FAM167A: variants seen among roughly 807,000 people sequenced by gnomAD.
FAM167A encodes protein FAM167A.
Under a neutral mutation model 14.9 loss-of-function variants are expected in FAM167A, and 23 were observed. The ratio of observed to expected loss-of-function variants is 1.55; its 90% CI spans 1.11 to 2.19. The LOEUF is 2.19. FAM167A is among the 30% of genes most tolerant of loss of function. The probability of loss-of-function intolerance (pLI) is 0.00; values close to 1 mark genes in which losing one functional copy is unlikely to be tolerated. For synonymous variants in FAM167A, 174 were observed against 117.7 expected, an observed-to-expected ratio of 1.48 and a Z score of -3.10; for missense variants, 401 against 281.5, an observed-to-expected ratio of 1.42 and a Z score of -3.04.
chr8:11,468,022 C>T (rs1025836895), upstream of FAM167A, among the ~76,000 whole-genome samples: 3 of 152,174 alleles, frequency 2.0e-5, no homozygotes, highest in African/African-American at 7.2e-5. Flanking sequence ...TGCCACTGTC[C>T]CTACCCAAGC....
chr8:11,461,720 G>T (rs780119409), intron 1 of FAM167A, among the ~76,000 whole-genome samples: 1 of 152,216 alleles, frequency 6.6e-6, no homozygotes, highest in East Asian at 1.9e-4. Context: ...GAATCCACAG[G>T]ATAATTGGCT....
upstream of FAM167A, among the ~76,000 whole-genome samples, chr8:11,469,398 G>C (rs1173268287): frequency 6.6e-6 from 1 of 152,204 alleles, no homozygotes. Flanking sequence ...TTTGTGTCAG[G>C]CACACTGAAA....
chr8:11,435,223 C>A (rs556356083), intron 2 of FAM167A: 2 of 428,902 alleles, frequency 4.7e-6, no homozygotes, highest in African/African-American at 4.0e-5. Context: ...CCTTCTCCAC[C>A]TGTCACCCTT....
intron 2 of FAM167A, among the ~76,000 whole-genome samples, chr8:11,437,522 C>A (rs530633238): frequency 5.2e-4 from 79 of 152,328 alleles, no homozygotes; most frequent in African/African-American, 1.8e-3. Context: ...ATGGTAGAAT[C>A]TGACTTGAAG....
At chr8:11,475,418 C>T (rs1797844745) in intron 1 of FAM167A, among the ~76,000 whole-genome samples, 1 of 152,144 alleles carries the variant, frequency 6.6e-6, no homozygotes, top group Admixed American at 6.5e-5. Context: ...ACCCCACCCC[C>T]AGCTGGGCCT....
At chr8:11,456,176 GT>G (rs1807280434) in intron 1 of FAM167A, among the ~76,000 whole-genome samples, 2 of 130,048 alleles carry the variant, frequency 1.5e-5, no homozygotes, top group South Asian at 2.7e-4. Flanking sequence ...GCCTTGCTGT[GT>G]GTGTGTGTGA....
At position 11,444,223 on chromosome 8, in the gene FAM167A, C is replaced by A; in HGVS notation, c.189G>T (p.Pro63=). ...CCAAGCTCGCCTGTGGCTCCGCAGC[C>A]GGCCTCGGGAAGGGCCAGGTATGCT... ...LEEHTWPFPR[P]AAEPQASLEE... Residue 63 remains proline (P), a synonymous_variant, in exon 2 of 3, where the codon CCG becomes CCT. Coordinates refer to ENST00000284486, the MANE Select transcript of FAM167A (RefSeq NM_053279.3). The A allele has an allele frequency of 2.5e-6, 4 of 1,612,308 alleles. No homozygotes were observed. The highest frequency in any genetic ancestry group is 3.4e-6 in the Non-Finnish European group (4 of 1,179,796).
chr8:11,465,324 G>C (rs111713757), intron 1 of FAM167A, among the ~76,000 whole-genome samples: 24 of 152,104 alleles, frequency 1.6e-4, no homozygotes, highest in Admixed American at 6.5e-5. Context: ...ACTGTCCCGG[G>C]AGTCAGGCAC....
intron 2 of FAM167A, among the ~76,000 whole-genome samples, chr8:11,434,553 C>T (rs765234506): frequency 7.2e-5 from 11 of 152,146 alleles, no homozygotes; most frequent in Non-Finnish European, 1.6e-4. Context: ...CTCTTCGGGC[C>T]CTGCCGAGGA....
At chr8:11,458,775 C>T (rs773448162) in intron 1 of FAM167A, among the ~76,000 whole-genome samples, 5 of 151,396 alleles carry the variant, frequency 3.3e-5, no homozygotes, top group Admixed American at 1.3e-4. Context: ...TGAGGTAAGG[C>T]GAACTAAGGG....
intron 2 of FAM167A, among the ~76,000 whole-genome samples, chr8:11,442,403 C>G (rs80009224): frequency 0.022 from 3,309 of 152,158 alleles, 111 homozygotes; most frequent in African/African-American, 0.075. Context: ...TTACGGTACA[C>G]GCCAGAGTGA....
rs1443885076 is a variant in FAM167A at position 11,423,325 on chromosome 8, C to G, written c.*1048G>C. 6.6e-6 allele frequency: 1 copy of G among 152,424 alleles called. No individual in the cohort carries two copies. The highest frequency in any genetic ancestry group is 6.6e-5 in the Admixed American group (1 of 15,254). 9.4% of individuals were successfully genotyped at this position (152,424 alleles called of 1,614,324 possible). ...ATCAAATCCTACGCACTGTAGTTGA[C>G]CTACACAAGTGGCTTCCGCATTTGG... On this transcript the variant is annotated 3_prime_UTR_variant, in exon 3 of 3. Coordinates refer to ENST00000284486, the MANE Select transcript of FAM167A (RefSeq NM_053279.3).
At chr8:11,424,912 G>T (rs1805029640) in intron 2 of FAM167A, among the ~76,000 whole-genome samples, 2 of 152,206 alleles carry the variant, frequency 1.3e-5, no homozygotes, top group African/African-American at 2.4e-5. Flanking sequence ...GATACTTCCA[G>T]TGCTTTCTCA....
chr8:11,451,226 G>C (rs962895935), intron 1 of FAM167A, among the ~76,000 whole-genome samples: 14 of 152,226 alleles, frequency 9.2e-5, no homozygotes, highest in African/African-American at 3.1e-4. Flanking sequence ...AGCACATGTG[G>C]GGAAAGGGTC....
intron 1 of FAM167A, among the ~76,000 whole-genome samples, chr8:11,446,211 A>G (rs190280750): frequency 2.4e-4 from 37 of 152,268 alleles, no homozygotes; most frequent in African/African-American, 8.2e-4. Flanking sequence ...CAGACGCTTA[A>G]GAAAGGAGAG....
chr8:11,434,533 G>C (rs1037765525), intron 2 of FAM167A, among the ~76,000 whole-genome samples: 2 of 152,200 alleles, frequency 1.3e-5, no homozygotes, highest in African/African-American at 4.8e-5. Context: ...GCCAGGCATA[G>C]AGCAGGAGGC....
chr8:11,456,171 GC>G (rs1273385845), intron 1 of FAM167A, among the ~76,000 whole-genome samples: 9 of 6,978 alleles, frequency 1.3e-3, no homozygotes, highest in Admixed American at 6.6e-3. Flanking sequence ...TGGTTGCCTT[GC>G]TGTGTGTGTG....
intron 2 of FAM167A, among the ~76,000 whole-genome samples, chr8:11,431,458 ATGG>A (rs1037557612): frequency 6.6e-6 from 1 of 152,238 alleles, no homozygotes; most frequent in African/African-American, 2.4e-5. Context: ...CTCGAGATGG[ATGG>A]TGGTGACGGC....
upstream of FAM167A, among the ~76,000 whole-genome samples, chr8:11,468,057 T>A (rs1807841017): frequency 6.6e-6 from 1 of 152,166 alleles, no homozygotes; most frequent in Admixed American, 6.5e-5. Context: ...CCTACCCAGT[T>A]CTGGGACCTG....
Sources: gnomAD v4.1 joint callset for allele counts (sites outside exome capture counted in the v4.1 genomes callset) on GRCh38, gnomAD v4.1.1 for gene constraint, MANE v1.5 for transcripts, NCBI Gene and HGNC (gene_info 2026-07-23, HGNC 2026-07-21) for gene names.